Variants in ARID2 observed in about 807,000 individuals in gnomAD.
ARID2 encodes the protein AT-rich interactive domain-containing protein 2.
ARID2 carries 32 observed loss-of-function variants against 184.6 expected under a neutral mutation model. The observed-to-expected ratio is 0.17, with a 90% confidence interval of 0.13 to 0.23. The LOEUF is 0.23. Ranked by LOEUF, ARID2 falls within the 10% of genes least tolerant of loss-of-function variation. ARID2 has a pLI of 1.00. For synonymous variants in ARID2, 836 were observed against 772.6 expected (o/e 1.08, Z -1.36); for missense variants, 1,696 against 2,197.6 (o/e 0.77, Z 4.56).
intron 16 of ARID2, among the ~76,000 whole-genome samples, chr12:45,875,071 G>A (rs533190257): frequency 4.6e-5 from 7 of 152,214 alleles, no homozygotes; most frequent in Middle Eastern, 3.4e-3. Context: ...TGCAGTGAGC[G>A]GAGATGTACC....
In ARID2 at chr12:45,904,909, C is replaced by A. The variant is rs768190753; in HGVS notation, c.5364-25C>A. On this transcript the variant is annotated intron_variant, in intron 20 of 20. Coordinates refer to ENST00000334344, the MANE Select transcript of ARID2 (RefSeq NM_152641.4). ...TCATCGCTGTGACCTTGGAGACTGA[C>A]AATCTTCTATATGTTTTTTTGCAGA... 8.7e-6 allele frequency: 14 copies of A among 1,609,118 alleles called. No individual in the cohort carries two copies. The South Asian group carries it at 1.4e-4, about 17-fold the overall frequency.
At chr12:45,738,480 A>G (rs1236334373) in intron 3 of ARID2, among the ~76,000 whole-genome samples, 1 of 151,888 alleles carries the variant, frequency 6.6e-6, no homozygotes, top group Non-Finnish European at 1.5e-5. Flanking sequence ...ATACCCGGCT[A>G]ATTTTTGTAT....
At chr12:45,830,781 G>T (rs749028710) in intron 6 of ARID2, among the ~76,000 whole-genome samples, 2 of 152,124 alleles carry the variant, frequency 1.3e-5, no homozygotes, top group African/African-American at 2.4e-5. Flanking sequence ...TGGGCACGGT[G>T]GCTCACGCCT....
chr12:45,895,946 A>T (rs1944363242), intron 20 of ARID2, among the ~76,000 whole-genome samples: 1 of 152,242 alleles, frequency 6.6e-6, no homozygotes, highest in South Asian at 2.1e-4. Context: ...AAATTAAAGA[A>T]TATATAAACA....
At chr12:45,860,475 C>T (rs1455930585) in intron 15 of ARID2, among the ~76,000 whole-genome samples, 1 of 151,918 alleles carries the variant, frequency 6.6e-6, no homozygotes, top group African/African-American at 2.4e-5. Flanking sequence ...CCAATGGGTA[C>T]ATTTATAGTA....
intron 6 of ARID2, among the ~76,000 whole-genome samples, chr12:45,832,345 C>G (rs1266984137): frequency 6.6e-6 from 1 of 152,068 alleles, no homozygotes; most frequent in African/African-American, 2.4e-5. Flanking sequence ...TATGATATGC[C>G]TTGCAGTTTC....
intron 3 of ARID2, among the ~76,000 whole-genome samples, chr12:45,766,633 C>T (rs1263124932): frequency 1.3e-5 from 2 of 151,900 alleles, no homozygotes; most frequent in African/African-American, 2.4e-5. Flanking sequence ...CCTGCCTCAG[C>T]CTCCCGAGTA....
At chr12:45,811,260 T>A (rs1942702818) in intron 3 of ARID2, among the ~76,000 whole-genome samples, 158 bp from the exon 4 acceptor site, 1 of 152,120 alleles carries the variant, frequency 6.6e-6, no homozygotes, top group East Asian at 1.9e-4. Flanking sequence ...TTTATCTTAC[T>A]CTAAACTGGA....
At chr12:45,793,305 A>C (rs1942327655) in intron 3 of ARID2, among the ~76,000 whole-genome samples, 1 of 151,756 alleles carries the variant, frequency 6.6e-6, no homozygotes, top group Non-Finnish European at 1.5e-5. Context: ...CATTAAAAAA[A>C]AAAGACTTAT....
rs893994014 is a variant in ARID2 at position 45,878,486 on chromosome 12, A to G, written c.4923-13294A>G. On this transcript the variant is annotated intron_variant, in intron 16 of 20. Coordinates refer to ENST00000334344, the MANE Select transcript of ARID2 (RefSeq NM_152641.4). ...ATATCTTACTTACATCTTCAAGTCC[A>G]CTGATTCTTTCCTTATCTGTATCCA... Among the ~76,000 whole-genome samples the G allele has an allele frequency of 5.3e-5, 8 of 152,088 alleles. 1 individual carries two copies. Among genetic ancestry groups the G allele is most frequent in the African/African-American group, 1.9e-4 (8 of 41,394 alleles).
chr12:45,778,417 A>T (rs1173101846), intron 3 of ARID2, among the ~76,000 whole-genome samples: 1 of 152,154 alleles, frequency 6.6e-6, no homozygotes, highest in Non-Finnish European at 1.5e-5. Flanking sequence ...TGTAAAAAAG[A>T]ATATTCATAA....
intron 6 of ARID2, among the ~76,000 whole-genome samples, chr12:45,822,885 A>C (rs544416424): frequency 2.2e-4 from 34 of 152,254 alleles, no homozygotes; most frequent in African/African-American, 8.2e-4. Context: ...TCGGGACTTT[A>C]CTCACTTTCA....
chr12:45,829,766 T>C (rs1943073944), intron 6 of ARID2, among the ~76,000 whole-genome samples: 1 of 150,240 alleles, frequency 6.7e-6, no homozygotes. Flanking sequence ...CATTCTATTG[T>C]TTTCTGCCTT....
intron 16 of ARID2, among the ~76,000 whole-genome samples, chr12:45,888,846 T>C (rs1944241413): frequency 6.6e-6 from 1 of 152,214 alleles, no homozygotes; most frequent in Non-Finnish European, 1.5e-5. Context: ...TTACAACAAT[T>C]TTTCAGCACA....
Position 45,735,418 on chromosome 12 carries a change from C to CGTGTGTGTGT in ARID2, c.284+4137_284+4146dup, listed in dbSNP as rs56133410. 2.5e-3 allele frequency among the ~76,000 whole-genome samples: 354 copies of CGTGTGTGTGT among 141,396 alleles called. 3 individuals carry two copies. Among genetic ancestry groups the CGTGTGTGTGT allele is most frequent in the African/African-American group, 4.8e-3 (182 of 37,764 alleles). 92.8% of individuals were successfully genotyped at this position (141,396 alleles called of 152,430 possible). A position where few individuals can be genotyped will look rare whatever the true frequency, so the allele number is the denominator to read the frequency against. On this transcript the variant is annotated intron_variant, in intron 3 of 20. Coordinates refer to ENST00000334344, the MANE Select transcript of ARID2 (RefSeq NM_152641.4). ...TCAAATTTAACTTTATAAACTGTAT[C>CGTGTGTGTGT]GTGTGTGTGTGTGTGTGTGTGTGTG...
chr12:45,853,657 T>C (rs1264574020), intron 15 of ARID2, among the ~76,000 whole-genome samples: 1 of 152,234 alleles, frequency 6.6e-6, no homozygotes, highest in Non-Finnish European at 1.5e-5. Flanking sequence ...TTAACAGTCG[T>C]CACCACCTGT....
chr12:45,786,919 T>C (rs1259763486), intron 3 of ARID2, among the ~76,000 whole-genome samples: 2 of 152,190 alleles, frequency 1.3e-5, no homozygotes, highest in Non-Finnish European at 2.9e-5. Context: ...CTCAATTATA[T>C]GTGGAACCTA....
At chr12:45,752,649 G>C (rs1001341148) in intron 3 of ARID2, among the ~76,000 whole-genome samples, 1 of 152,168 alleles carries the variant, frequency 6.6e-6, no homozygotes, top group Non-Finnish European at 1.5e-5. Flanking sequence ...ACTCTCCTGA[G>C]TAGCTAGGAC....
chr12:45,732,263 G>T lies in ARID2; in HGVS notation c.284+949G>T, dbSNP rs1941018552. Among the ~76,000 whole-genome samples the T allele has an allele frequency of 3.3e-5, 5 of 152,004 alleles. No individual in the cohort carries two copies. The South Asian group carries it at 1.0e-3, about 32-fold the overall frequency. ...AGTACAGGCCTTTTTTTGTAAGGTG[G>T]CTTCTGCATAATTTGAGTTTTGCAT... On this transcript the variant is annotated intron_variant, in intron 3 of 20. Coordinates refer to ENST00000334344, the MANE Select transcript of ARID2 (RefSeq NM_152641.4).
Sources: allele counts gnomAD v4.1 joint callset (sites outside exome capture counted in the v4.1 genomes callset), GRCh38; gene constraint gnomAD v4.1.1; transcripts MANE v1.5; gene names NCBI Gene and HGNC (gene_info 2026-07-23, HGNC 2026-07-21).